CEP112: variants seen among roughly 807,000 people sequenced by gnomAD.
The protein encoded by CEP112 is centrosomal protein 112.
A neutral mutation model predicts 153.0 loss-of-function variants in CEP112; 127 were observed. The ratio of observed to expected loss-of-function variants is 0.83; its 90% confidence interval spans 0.72 to 0.96. The LOEUF is 0.96. Among genes scored for constraint, CEP112 ranks in the 40% least tolerant of loss-of-function variants. CEP112 has a pLI of 0.00. For missense variants in CEP112, 1,089 were observed against 1,101.2 expected, an observed-to-expected ratio of 0.99 and a Z score of 0.16; for synonymous variants, 358 against 374.4, an observed-to-expected ratio of 0.96 and a Z score of 0.51.
intron 21 of CEP112, among the ~76,000 whole-genome samples, chr17:65,823,853 A>G (rs2056712008): frequency 6.6e-6 from 1 of 152,206 alleles, no homozygotes. Context: ...GACAAAATAT[A>G]CACAGGAAAA....
Position 66,127,219 on chromosome 17 carries a change from C to G in CEP112, c.642+2527G>C, listed in dbSNP as rs182702138. Among the ~76,000 whole-genome samples the G allele has an allele frequency of 1.4e-4, 22 of 152,238 alleles. No homozygotes were observed. In the East Asian group the frequency reaches 4.1e-3, roughly 28 times the overall value. On this transcript the variant is annotated intron_variant, in intron 6 of 26. Coordinates refer to ENST00000535342, the MANE Select transcript of CEP112 (RefSeq NM_001199165.4). ...CCAAGGAAAGATTTAATTCTCAGAA[C>G]AGTTAAACAACCGTGAAAAGTACTC...
intron 17 of CEP112, among the ~76,000 whole-genome samples, chr17:65,997,790 TC>T (rs5821560): frequency 0.54 from 79,962 of 149,448 alleles, 22,344 homozygotes; most frequent in Non-Finnish European, 0.59. Context: ...ACCCTAAACA[TC>T]CCCCCCCCCA....
At chr17:65,967,844 T>C (rs1199581399) in intron 17 of CEP112, among the ~76,000 whole-genome samples, 3 of 151,036 alleles carry the variant, frequency 2.0e-5, no homozygotes, top group Admixed American at 1.3e-4. Context: ...AATACTTCTA[T>C]GGTAAACTAA....
chr17:65,797,390 G>T (rs17622541), intron 21 of CEP112: 52,716 of 152,110 alleles, frequency 0.35, 10,312 homozygotes, highest in Middle Eastern at 0.47. Flanking sequence ...TGGCTCATTT[G>T]TTACTGCCTG....
chr17:65,776,359 C>T lies in CEP112; in HGVS notation c.2395-25635G>A, dbSNP rs143976426. 3.6e-4 allele frequency among the ~76,000 whole-genome samples: 55 copies of T among 152,276 alleles called. No individual in the cohort carries two copies. The South Asian group carries it at 5.0e-3, about 14-fold the overall frequency. ...ACACCATTCTCCTGCCTCAGCCTCCCGAGTATCTGGGACTACAGGTGCCTG... is the reference window on the plus strand; with the variant it reads ...ACACCATTCTCCTGCCTCAGCCTCCTGAGTATCTGGGACTACAGGTGCCTG... On this transcript the variant is annotated intron_variant, in intron 21 of 26. Transcript: ENST00000535342.
At chr17:65,971,476 C>A (rs1490304841) in intron 17 of CEP112, among the ~76,000 whole-genome samples, 4 of 109,192 alleles carry the variant, frequency 3.7e-5, no homozygotes, top group African/African-American at 9.1e-5. Context: ...ATGTATCATG[C>A]ATGTATGACA....
intron 18 of CEP112, among the ~76,000 whole-genome samples, chr17:65,955,935 A>G (rs922483999): frequency 4.6e-5 from 7 of 152,184 alleles, no homozygotes; most frequent in African/African-American, 1.7e-4. Flanking sequence ...ACAGCACTAC[A>G]CAGGTCATCA....
chr17:65,671,458 T>G (rs979308402), intron 24 of CEP112, among the ~76,000 whole-genome samples: 1 of 152,204 alleles, frequency 6.6e-6, no homozygotes, highest in Middle Eastern at 3.2e-3. Context: ...CTATCCTGCA[T>G]ATGCAAGAGG....
chr17:65,748,687 G>C (rs1351432917), intron 22 of CEP112, among the ~76,000 whole-genome samples: 1 of 152,172 alleles, frequency 6.6e-6, no homozygotes, highest in South Asian at 2.1e-4. Flanking sequence ...TGACAAATGA[G>C]GAAATTGAAT....
chr17:66,028,800 G>A (rs1027828827), intron 14 of CEP112, among the ~76,000 whole-genome samples: 2 of 151,856 alleles, frequency 1.3e-5, no homozygotes, highest in East Asian at 3.9e-4. Flanking sequence ...CAATAATAAC[G>A]CATATAGTTA....
chr17:65,697,869 TG>T (rs1418751972), intron 23 of CEP112, among the ~76,000 whole-genome samples: 2 of 152,226 alleles, frequency 1.3e-5, no homozygotes, highest in African/African-American at 4.8e-5. Context: ...TCTACAGTCA[TG>T]GAAAACAGGT....
chr17:65,881,299 A>AC (rs2059064067), intron 20 of CEP112, among the ~76,000 whole-genome samples: 1 of 152,100 alleles, frequency 6.6e-6, no homozygotes. Context: ...GAGGAATGCT[A>AC]CTTTTTTTTT....
At chr17:65,721,433 A>C (rs2049881607) in intron 23 of CEP112, among the ~76,000 whole-genome samples, 1 of 152,216 alleles carries the variant, frequency 6.6e-6, no homozygotes, top group African/African-American at 2.4e-5. Context: ...AATACTTCAT[A>C]GTTTGGCAAA....
intron 25 of CEP112, among the ~76,000 whole-genome samples, chr17:65,638,807 C>G (rs2044930796): frequency 6.6e-6 from 1 of 152,128 alleles, no homozygotes; most frequent in Non-Finnish European, 1.5e-5. Flanking sequence ...CTTTCTGGGT[C>G]AGCATCCAGT....
intron 21 of CEP112, among the ~76,000 whole-genome samples, chr17:65,790,410 A>G (rs912340488): frequency 7.9e-5 from 12 of 152,094 alleles, no homozygotes; most frequent in Admixed American, 5.2e-4. Flanking sequence ...CATGACTACA[A>G]GGGCTCCTCA....
At chr17:66,022,066 G>C (rs953601666) in intron 16 of CEP112, among the ~76,000 whole-genome samples, 2 of 152,050 alleles carry the variant, frequency 1.3e-5, no homozygotes, top group African/African-American at 4.8e-5. Flanking sequence ...TGCCACTGTG[G>C]CTTCTCAGGA....
rs2065057154 is a variant in CEP112 at position 66,022,862 on chromosome 17, G to C, written c.1656+4639C>G. On this transcript the variant is annotated intron_variant, in intron 16 of 26. Transcript: ENST00000535342. Reference sequence around the variant, plus strand: ...ATTTTAAAAACTTGCCAATGAGACAGATATCTTAGAAAAAAATAATTTCTG... The same window carrying C: ...ATTTTAAAAACTTGCCAATGAGACACATATCTTAGAAAAAAATAATTTCTG... Among the ~76,000 whole-genome samples, 6 of 151,796 alleles carry C rather than the reference G, an allele frequency of 4.0e-5. No homozygotes were observed. The South Asian group carries it at 8.3e-4, about 21-fold the overall frequency.
rs1449339287 is a variant in CEP112 at position 65,937,528 on chromosome 17, C to T, written c.1873-9839G>A. Among the ~76,000 whole-genome samples, 12 of 136,452 alleles carry T rather than the reference C, an allele frequency of 8.8e-5. 1 individual carries two copies. Among genetic ancestry groups the T allele is most frequent in the African/African-American group, 3.1e-4 (12 of 38,712 alleles). 89.5% of individuals were successfully genotyped at this position (136,452 alleles called of 152,430 possible). A position where few individuals can be genotyped will look rare whatever the true frequency, so the allele number is the denominator to read the frequency against. On this transcript the variant is annotated intron_variant, in intron 18 of 26. Coordinates refer to ENST00000535342, the MANE Select transcript of CEP112 (RefSeq NM_001199165.4). ...ACCGCCCCGTCTGAGAAGTGAGGAG[C>T]CCCTCTGCCCGGCCAGCCGCCCCGT...
At chr17:66,004,238 T>C (rs1368931141) in intron 17 of CEP112, among the ~76,000 whole-genome samples, 1 of 151,626 alleles carries the variant, frequency 6.6e-6, no homozygotes, top group Non-Finnish European at 1.5e-5. Flanking sequence ...TACCAGCACT[T>C]TGGGAGGCCG....
Sources: allele counts gnomAD v4.1 joint callset (sites outside exome capture counted in the v4.1 genomes callset), GRCh38; gene constraint gnomAD v4.1.1; transcripts MANE v1.5; gene names NCBI Gene and HGNC (gene_info 2026-07-23, HGNC 2026-07-21).